Variants in VWA1 observed in about 807,000 individuals in gnomAD.
VWA1 encodes the protein von Willebrand factor A domain containing 1, also known as von Willebrand factor A domain-containing protein 1.
A neutral mutation model predicts 14.9 loss-of-function variants in VWA1; 12 were observed. The observed-to-expected ratio is 0.80, with a 90% CI of 0.52 to 1.30. The LOEUF (loss-of-function observed/expected upper bound fraction) is 1.30. Ranked by LOEUF, VWA1 falls within the 50% of genes most tolerant of loss-of-function variation. The pLI is 0.00. For synonymous variants in VWA1, 368 were observed against 310.7 expected, an observed-to-expected ratio of 1.18 and a Z score of -1.94; for missense variants, 800 against 649.1, an observed-to-expected ratio of 1.23 and a Z score of -2.53.
At position 1,436,964 on chromosome 1, in the gene VWA1, C is replaced by A; in HGVS notation, c.111C>A (p.Phe37Leu). Residue 37 changes from phenylalanine (F) to leucine (L), a missense_variant, in exon 2 of 3, where the codon TTC becomes TTA. Transcript: ENST00000476993. ...CAGCCCCCCGAGGGGACCTGATGTT[C>A]CTGCTGGACAGCTCAGCCAGCGTCT... is the stretch of plus-strand genomic sequence containing the variant. Reference protein sequence around the residue: ...PASAPRGDLMFLLDSSASVSH... With the variant: ...PASAPRGDLMLLLDSSASVSH... The A allele has an allele frequency of 6.2e-7, 1 of 1,611,552 alleles. No individual in the cohort carries two copies. Among genetic ancestry groups the A allele is most frequent in the Non-Finnish European group, 8.5e-7 (1 of 1,179,150 alleles).
chr1:1,437,422 T>G lies in VWA1; in HGVS notation c.569T>G (p.Leu190Arg). 6.2e-7 allele frequency: 1 copy of G among 1,612,732 alleles called. No individual in the cohort carries two copies. The highest frequency in any genetic ancestry group is 8.5e-7 in the Non-Finnish European group (1 of 1,179,934). ...AAASAPAEKH[L>R]HFVDVDDLHI... ...GCCTCAGCCCCTGCCGAGAAGCACC[T>G]GCACTTTGTGGACGTGGATGACCTG... Residue 190 changes from leucine (L) to arginine (R), a missense_variant, in exon 2 of 3, where the codon CTG becomes CGG. Transcript: ENST00000476993.
Position 1,441,410 on chromosome 1 carries a change from C to G in VWA1, c.*1623C>G, listed in dbSNP as rs1638668180. On this transcript the variant is annotated 3_prime_UTR_variant, in exon 3 of 3. Coordinates refer to ENST00000476993, the MANE Select transcript of VWA1 (RefSeq NM_022834.5). ...GATGCATGAGACACAGTAGGCCCCC[C>G]TGCCTGTGTGTGCAGGGGGTGTCTG... The G allele has an allele frequency of 6.6e-6, 1 of 152,268 alleles. No individual in the cohort carries two copies. The highest frequency in any genetic ancestry group is 2.4e-5 in the African/African-American group (1 of 41,466). 9.4% of individuals were successfully genotyped at this position (152,268 alleles called of 1,614,324 possible). A position where few individuals can be genotyped will look rare whatever the true frequency, so the allele number is the denominator to read the frequency against.
chr1:1,439,195 C>T lies in VWA1; in HGVS notation c.746C>T (p.Pro249Leu). The T allele has an allele frequency of 1.2e-6, 2 of 1,606,206 alleles. No homozygotes were observed. Among genetic ancestry groups the T allele is most frequent in the Non-Finnish European group, 1.7e-6 (2 of 1,179,276 alleles). Reference sequence around the variant, plus strand: ...GGCTACTATGTGCTGGAGCTGGTGCCCAGCGCCCAGCCGGGGGCTGCAAGA... The same window carrying T: ...GGCTACTATGTGCTGGAGCTGGTGCTCAGCGCCCAGCCGGGGGCTGCAAGA... The part of the protein sequence containing the change: ...DSGYYVLELV[P>L]SAQPGAARRQ... Residue 249 changes from proline (P) to leucine (L), a missense_variant, in exon 3 of 3, where the codon CCC becomes CTC. By Grantham distance (98) the Pro-to-Leu change is moderately conservative. Coordinates refer to ENST00000476993, the MANE Select transcript of VWA1 (RefSeq NM_022834.5).
At chr1:1,436,865 C>T (rs1638554816) in intron 1 of VWA1, 62 bp from the exon 2 acceptor site, 1 of 1,506,514 alleles carries the variant, frequency 6.6e-7, no homozygotes, top group African/African-American at 1.4e-5. Context: ...GGGGACCCTG[C>T]CTTGCTGTGG....
rs749650363 is a variant in VWA1, at chr1:1,436,998, G to A, written c.145G>A (p.Glu49Lys). The change falls in exon 2 of 3, where the codon GAG becomes AAG. Residue 49 changes from glutamate (E) to lysine (K), a missense_variant. Transcript: ENST00000476993. ...CAGCTCAGCCAGCGTCTCTCACTAC[G>A]AGTTCTCCCGGGTTCGGGAGTTTGT... Reference protein sequence around the residue: ...LDSSASVSHYEFSRVREFVGQ... With the variant: ...LDSSASVSHYKFSRVREFVGQ... The A allele has an allele frequency of 7.4e-6, 12 of 1,612,534 alleles. No individual in the cohort carries two copies. The highest frequency in any genetic ancestry group is 4.5e-5 in the East Asian group (2 of 44,888).
intron 1 of VWA1, 46 bp from the exon 2 acceptor site, chr1:1,436,881 T>C: frequency 6.6e-7 from 1 of 1,524,672 alleles, no homozygotes. Context: ...TGTGGGGCTG[T>C]CTGGGGGGCC....
Position 1,435,715 on chromosome 1 carries a change from C to G in VWA1, c.-34C>G, listed in dbSNP as rs1462483995. The G allele has an allele frequency of 5.1e-6, 6 of 1,184,066 alleles. No homozygotes were observed. Among genetic ancestry groups the G allele is most frequent in the Middle Eastern group, 2.8e-4 (1 of 3,544 alleles). 73.3% of individuals were successfully genotyped at this position (1,184,066 alleles called of 1,614,324 possible). A position where few individuals can be genotyped will look rare whatever the true frequency, so the allele number is the denominator to read the frequency against. ...AGCCCCGAGCGAGCGAGCGAGCGAG[C>G]GAGTTGCCGAGCGCGCCCCGTCCCT... On this transcript the variant is annotated 5_prime_UTR_variant, in exon 1 of 3. Coordinates refer to ENST00000476993, the MANE Select transcript of VWA1 (RefSeq NM_022834.5).
intron 2 of VWA1, 56 bp downstream of exon 2, chr1:1,437,540 G>A: frequency 6.5e-7 from 1 of 1,547,472 alleles, no homozygotes. Flanking sequence ...CAGAAGGAGA[G>A]GCTGGGTTGA....
Position 1,436,949 on chromosome 1 carries a change from A to G in VWA1, c.96A>G (p.Arg32=). The change falls in exon 2 of 3, where the codon CGA becomes CGG. Residue 32 remains arginine, a synonymous_variant. Transcript: ENST00000476993. ...CAGGTCCACCAGCATCAGCCCCCCG[A>G]GGGGACCTGATGTTCCTGCTGGACA... ...AERGPPASAP[R]GDLMFLLDSS... 1 of 1,608,676 alleles carries G rather than the reference A, an allele frequency of 6.2e-7. No homozygotes were observed. Among genetic ancestry groups the G allele is most frequent in the African/African-American group, 1.3e-5 (1 of 74,960 alleles).
In VWA1 at chr1:1,442,105, C is replaced by T. The variant is rs1312734971; in HGVS notation, c.*2318C>T. On this transcript the variant is annotated 3_prime_UTR_variant, in exon 3 of 3. Coordinates refer to ENST00000476993, the MANE Select transcript of VWA1 (RefSeq NM_022834.5). Reference sequence around the variant, plus strand: ...CCCAGGCATTTTAAAATCTTTGAATCTGCACCAAGTCTCAGAACAGCTCTG... The same window carrying T: ...CCCAGGCATTTTAAAATCTTTGAATTTGCACCAAGTCTCAGAACAGCTCTG... 2 of 152,334 alleles carry T rather than the reference C, an allele frequency of 1.3e-5. No homozygotes were observed. 9.4% of individuals were successfully genotyped at this position (152,334 alleles called of 1,614,324 possible).
intron 1 of VWA1, among the ~76,000 whole-genome samples, chr1:1,436,142 C>T (rs1434237760): frequency 1.3e-5 from 2 of 152,180 alleles, no homozygotes; most frequent in African/African-American, 2.4e-5. Context: ...TTGCGAGGGC[C>T]CTTAGTGGAG....
Position 1,439,626 on chromosome 1 carries a change from C to T in VWA1, c.1177C>T (p.Leu393=). The T allele has an allele frequency of 7.6e-7, 1 of 1,313,234 alleles. No homozygotes were observed. The highest frequency in any genetic ancestry group is 9.7e-7 in the Non-Finnish European group (1 of 1,028,286). 81.3% of individuals were successfully genotyped at this position (1,313,234 alleles called of 1,614,324 possible). A position where few individuals can be genotyped will look rare whatever the true frequency, so the allele number is the denominator to read the frequency against. The change falls in exon 3 of 3, where the codon CTG becomes TTG. Residue 393 remains leucine, a synonymous_variant. Transcript: ENST00000476993. ...CCGCAACTGCACCACGCTGCAGGGC[C>T]TGGCGCCGGGCACCGCCTACCTGGT... ...AGRNCTTLQG[L]APGTAYLVTV...
intron 1 of VWA1, 58 bp from the exon 2 acceptor site, chr1:1,436,869 G>A: frequency 6.6e-7 from 1 of 1,512,766 alleles, no homozygotes; most frequent in Admixed American, 2.2e-5. Context: ...ACCCTGCCTT[G>A]CTGTGGGGCT....
Position 1,439,729 on chromosome 1 carries a change from CG to C in VWA1, c.1281del (p.Arg428AlafsTer111). Reference sequence around the variant, plus strand: ...GCCTGCACGCCCGACGGCCCGCGCCCGCGCCCACGCCCCGTGCCCCGCGCCC... The same window carrying C: ...GCCTGCACGCCCGACGGCCCGCGCCCCGCCCACGCCCCGTGCCCCGCGCCC... ...AKACTPDGPR[P>X]RPRPVPRAPT... On this transcript the variant is annotated frameshift_variant, in exon 3 of 3. Transcript: ENST00000476993. LOFTEE classifies it low-confidence loss of function (END_TRUNC). 8.8e-7 allele frequency: 1 copy of C among 1,131,376 alleles called. No homozygotes were observed. The highest frequency in any genetic ancestry group is 1.1e-6 in the Non-Finnish European group (1 of 922,584). The allele number at this position is 1,131,376 out of a possible 1,614,324, so 70.1% of individuals were successfully genotyped here. A position where few individuals can be genotyped will look rare whatever the true frequency, so the allele number is the denominator to read the frequency against.
Position 1,435,818 on chromosome 1 carries a change from C to T in VWA1, c.70C>T (p.Arg24Cys). 3.4e-6 allele frequency: 4 copies of T among 1,166,792 alleles called. No homozygotes were observed. Among genetic ancestry groups the T allele is most frequent in the Non-Finnish European group, 4.2e-6 (4 of 948,390 alleles). 72.3% of individuals were successfully genotyped at this position (1,166,792 alleles called of 1,614,324 possible). A position where few individuals can be genotyped will look rare whatever the true frequency, so the allele number is the denominator to read the frequency against. Residue 24 changes from arginine (R) to cysteine (C), a missense_variant, in exon 1 of 3, where the codon CGC (arginine) becomes TGC (cysteine). Transcript: ENST00000476993. The stretch of plus-strand genomic sequence containing the variant: ...GGCGCTGGCGCGGAGCGGCGCGGAG[C>T]GCGGTGAGTGCGGCGGGCGGCCGGG... Reference protein sequence around the residue: ...RLALARSGAERGPPASAPRGD... With the variant: ...RLALARSGAECGPPASAPRGD...
Position 1,439,344 on chromosome 1 carries a change from G to C in VWA1, c.895G>C (p.Val299Leu). The change falls in exon 3 of 3, where the codon GTG (valine) becomes CTG (leucine). Residue 299 changes from valine (V) to leucine (L), a missense_variant. By Grantham distance (32) the Val-to-Leu change is conservative. Transcript: ENST00000476993. ...VRLLRPQILR[V>L]RTRPGEAGPG... ...CCTCCTGAGGCCCCAGATCCTGCGG[G>C]TGCGCACGCGGCCCGGTGAGGCAGG... The C allele has an allele frequency of 6.4e-7, 1 of 1,561,800 alleles. No homozygotes were observed. Among genetic ancestry groups the C allele is most frequent in the South Asian group, 1.2e-5 (1 of 86,320 alleles).
At position 1,439,549 on chromosome 1, in the gene VWA1, A is replaced by G. The variant is rs1211489081; in HGVS notation, c.1100A>G (p.Gln367Arg). 2 of 1,322,974 alleles carry G rather than the reference A, an allele frequency of 1.5e-6. No homozygotes were observed. The highest frequency in any genetic ancestry group is 1.9e-6 in the Non-Finnish European group (2 of 1,039,620). The allele number at this position is 1,322,974 out of a possible 1,614,324, so 82.0% of individuals were successfully genotyped here. The part of the protein sequence containing the change: ...GSAAALGYHV[Q>R]FGPLRGGEAQ... ...GCCGCGGCGCTCGGCTACCACGTGCAGTTCGGGCCGCTGCGGGGCGGGGAG... is the reference window on the plus strand; with the variant it reads ...GCCGCGGCGCTCGGCTACCACGTGCGGTTCGGGCCGCTGCGGGGCGGGGAG... Residue 367 changes from glutamine to arginine, a missense_variant, in exon 3 of 3, where the codon CAG becomes CGG. By Grantham distance (43) the Gln-to-Arg change is conservative (BLOSUM62 1). Transcript: ENST00000476993.
chr1:1,441,923 G>A lies in VWA1; in HGVS notation c.*2136G>A, dbSNP rs1355649561. 1 of 152,336 alleles carries A rather than the reference G, an allele frequency of 6.6e-6. No individual in the cohort carries two copies. The highest frequency in any genetic ancestry group is 1.5e-5 in the Non-Finnish European group (1 of 68,130). The allele number at this position is 152,336 out of a possible 1,614,324, so 9.4% of individuals were successfully genotyped here. On this transcript the variant is annotated 3_prime_UTR_variant, in exon 3 of 3. Transcript: ENST00000476993. ...CTGCTCCCCACATACCCGTCTGGCA[G>A]AGGCTCTGCCTCCCCTCTGCCCATC...
chr1:1,435,704 G>T lies in VWA1; in HGVS notation c.-45G>T, dbSNP rs1417683769. 1.7e-6 allele frequency: 2 copies of T among 1,175,226 alleles called. No individual in the cohort carries two copies. Among genetic ancestry groups the T allele is most frequent in the South Asian group, 2.4e-5 (1 of 41,412 alleles). The allele number at this position is 1,175,226 out of a possible 1,614,324, so 72.8% of individuals were successfully genotyped here. The stretch of plus-strand genomic sequence containing the variant: ...ACGCGCCCTGCAGCCCCGAGCGAGC[G>T]AGCGAGCGAGCGAGTTGCCGAGCGC... On this transcript the variant is annotated 5_prime_UTR_variant, in exon 1 of 3. Coordinates refer to ENST00000476993, the MANE Select transcript of VWA1 (RefSeq NM_022834.5).
Sources: gnomAD v4.1 joint callset for allele counts (sites outside exome capture counted in the v4.1 genomes callset) on GRCh38, gnomAD v4.1.1 for gene constraint, MANE v1.5 for transcripts, NCBI Gene and HGNC (gene_info 2026-07-23, HGNC 2026-07-21) for gene names.